Variants in GPSM1 observed in about 807,000 individuals in gnomAD.
GPSM1 encodes the protein G protein signaling modulator 1.
In GPSM1, 48 loss-of-function variants were observed where a neutral mutation model predicts 70.5. The ratio of observed to expected loss-of-function variants is 0.68; its 90% CI spans 0.54 to 0.87. GPSM1 has a LOEUF of 0.87. Ranked by LOEUF, GPSM1 falls within the 40% of genes least tolerant of loss-of-function variation. GPSM1 has a pLI of 0.00. For synonymous variants in GPSM1, 416 were observed against 430.1 expected (o/e 0.97, Z 0.41); for missense variants, 981 against 972.6 (o/e 1.01, Z -0.11).
chr9:136,341,252 G>T lies in GPSM1; in HGVS notation c.1207+259G>T. ...GAGGTGGTCGCCTGTTGCCCCACTG[G>T]CTGCTCCAGGGCCTCCACCCCCACC... On this transcript the variant is annotated intron_variant, in intron 9 of 13. Transcript: ENST00000440944. This position sits in a 1 kb window ranked among gnomAD's most constrained non-coding sequence, Gnocchi z 6.7. 1.3e-6 allele frequency: 2 copies of T among 1,496,714 alleles called. No individual in the cohort carries two copies. The highest frequency in any genetic ancestry group is 1.8e-6 in the Non-Finnish European group (2 of 1,119,488). 92.7% of individuals were successfully genotyped at this position (1,496,714 alleles called of 1,614,324 possible).
intron 12 of GPSM1, 84 bp downstream of exon 12, chr9:136,355,930 A>T (rs1588710274): frequency 2.3e-5 from 28 of 1,194,126 alleles, no homozygotes; most frequent in African/African-American, 3.1e-5. Context: ...TCCAGTGAGG[A>T]GTTTTCGGGG....
intron 10 of GPSM1, among the ~76,000 whole-genome samples, chr9:136,349,221 G>C (rs539466675): frequency 6.6e-6 from 1 of 152,400 alleles, no homozygotes; most frequent in East Asian, 1.9e-4. Context: ...AGTGGGTGCT[G>C]TGTGGCCTGG....
chr9:136,330,563 C>T (rs1217387022), intron 1 of GPSM1, among the ~76,000 whole-genome samples: 2 of 152,222 alleles, frequency 1.3e-5, no homozygotes, highest in East Asian at 1.9e-4. Flanking sequence ...ACTCTCTCCC[C>T]TCCCCTGGCC....
At chr9:136,352,456 G>T (rs1554772308) in intron 11 of GPSM1, among the ~76,000 whole-genome samples, 1 of 152,250 alleles carries the variant, frequency 6.6e-6, no homozygotes, top group Non-Finnish European at 1.5e-5. Flanking sequence ...GGGGTCCAGA[G>T]AACTCATTCT....
At chr9:136,331,809 C>T (rs1832107047) in intron 1 of GPSM1, among the ~76,000 whole-genome samples, 1 of 151,950 alleles carries the variant, frequency 6.6e-6, no homozygotes, top group Admixed American at 6.5e-5. Flanking sequence ...TCTGAGCTGT[C>T]CTTGATCCCT....
In GPSM1 at chr9:136,358,255, C is replaced by T; in HGVS notation, c.*35C>T. 1 of 1,486,646 alleles carries T rather than the reference C, an allele frequency of 6.7e-7. No homozygotes were observed. The highest frequency in any genetic ancestry group is 9.1e-7 in the Non-Finnish European group (1 of 1,104,260). The allele number at this position is 1,486,646 out of a possible 1,614,324, so 92.1% of individuals were successfully genotyped here. A position where few individuals can be genotyped will look rare whatever the true frequency, so the allele number is the denominator to read the frequency against. Reference sequence around the variant, plus strand: ...CCCACCGCCAGGCCCACCCTGCCCCCACTCCTGGACGCCGGTCTCACAGTC... The same window carrying T: ...CCCACCGCCAGGCCCACCCTGCCCCTACTCCTGGACGCCGGTCTCACAGTC... On this transcript the variant is annotated 3_prime_UTR_variant, in exon 14 of 14. Transcript: ENST00000440944.
chr9:136,342,344 G>A lies in GPSM1; in HGVS notation c.1207+1351G>A, dbSNP rs1281616408. Reference sequence around the variant, plus strand: ...AGGCTCCGCGGAGGCTGCGGCTCTGGGTCCTCCCGACGTTTTCTTTCTTGG... The same window carrying A: ...AGGCTCCGCGGAGGCTGCGGCTCTGAGTCCTCCCGACGTTTTCTTTCTTGG... On this transcript the variant is annotated intron_variant, in intron 9 of 13. Coordinates refer to ENST00000440944, the MANE Select transcript of GPSM1 (RefSeq NM_001145638.3). The surrounding 1 kb of genome is among the most constrained non-coding windows in gnomAD (Gnocchi z 5.5). 6.6e-6 allele frequency among the ~76,000 whole-genome samples: 1 copy of A among 152,166 alleles called. No homozygotes were observed. Among genetic ancestry groups the A allele is most frequent in the African/African-American group, 2.4e-5 (1 of 41,442 alleles).
In GPSM1 at chr9:136,336,932, G is replaced by A. The variant is rs367575746; in HGVS notation, c.438G>A (p.Ala146=). 156 of 1,555,780 alleles carry A rather than the reference G, an allele frequency of 1.0e-4. No individual in the cohort carries two copies. Among genetic ancestry groups the A allele is most frequent in the East Asian group, 4.1e-4 (17 of 41,202 alleles). The change falls in exon 4 of 14, where the codon GCG becomes GCA. Residue 146 remains alanine (A), a synonymous_variant. Transcript: ENST00000440944. ...AQEQGDKVGE[A]RALYNIGNVY... is the part of the protein sequence containing the mutation. ...CGTACTGCCCACAGGTTGGGGAGGC[G>A]AGGGCCCTCTACAACATCGGGAACG...
chr9:136,339,418 G>A (rs536191252), intron 7 of GPSM1, among the ~76,000 whole-genome samples: 35 of 152,392 alleles, frequency 2.3e-4, no homozygotes, highest in African/African-American at 6.7e-4. Context: ...GAAACTGCCC[G>A]CAAAGGCAGA....
rs1832417262 is a variant in GPSM1 at position 136,342,538 on chromosome 9, G to T, written c.1207+1545G>T. On this transcript the variant is annotated intron_variant, in intron 9 of 13. Transcript: ENST00000440944. The surrounding 1 kb of genome is among the most constrained non-coding windows in gnomAD (Gnocchi z 5.5). Reference sequence around the variant, plus strand: ...CCTCCCCGCCCAGGGCAGCCCGGCAGCCTGGCTGGGGCCGCCGCCCGGCTG... The same window carrying T: ...CCTCCCCGCCCAGGGCAGCCCGGCATCCTGGCTGGGGCCGCCGCCCGGCTG... 6.6e-6 allele frequency among the ~76,000 whole-genome samples: 1 copy of T among 152,176 alleles called. No individual in the cohort carries two copies. The highest frequency in any genetic ancestry group is 2.4e-5 in the African/African-American group (1 of 41,454).
At chr9:136,336,361 G>A (rs868950725) in intron 3 of GPSM1, among the ~76,000 whole-genome samples, 1 of 151,890 alleles carries the variant, frequency 6.6e-6, no homozygotes, top group Non-Finnish European at 1.5e-5. Context: ...ACCTCCCCCC[G>A]AATCCCTCCA....
At chr9:136,354,440 T>A (rs1316251417) in intron 11 of GPSM1, among the ~76,000 whole-genome samples, 2 of 152,156 alleles carry the variant, frequency 1.3e-5, no homozygotes, top group African/African-American at 4.8e-5. Context: ...CCAGGCAGCA[T>A]CGGGGACCCG....
Position 136,340,318 on chromosome 9 carries a change from GA to G in GPSM1, c.1083+505del, listed in dbSNP as rs1217587563. Reference sequence around the variant, plus strand: ...TGAGGGTGGAGAGGGGCGGGCATGGGAAGGTCAGCAGAGCCCTCGTCTGAAG... The same window carrying G: ...TGAGGGTGGAGAGGGGCGGGCATGGGAGGTCAGCAGAGCCCTCGTCTGAAG... On this transcript the variant is annotated intron_variant, in intron 8 of 13. Transcript: ENST00000440944. This position sits in a 1 kb window ranked among gnomAD's most constrained non-coding sequence, Gnocchi z 7.3. Among the ~76,000 whole-genome samples, 4 of 152,264 alleles carry G rather than the reference GA, an allele frequency of 2.6e-5. No homozygotes were observed. The highest frequency in any genetic ancestry group is 9.6e-5 in the African/African-American group (4 of 41,536).
chr9:136,334,822 C>T (rs1204545133), intron 2 of GPSM1, among the ~76,000 whole-genome samples, 154 bp downstream of exon 2: 3 of 147,268 alleles, frequency 2.0e-5, no homozygotes, highest in African/African-American at 7.6e-5. Context: ...GCCCTGCTGG[C>T]GGGTGAGTGG....
Position 136,339,788 on chromosome 9 carries a change from C to T in GPSM1, c.1056C>T (p.Ala352=), listed in dbSNP as rs1554769875. The stretch of plus-strand genomic sequence containing the variant: ...GCCCAGCGCAGGCCCTGACCTTCGC[C>T]AAGAAGCACCTGCAGATCTCCCAGG... ...MGRPAQALTF[A]KKHLQISQEI... Residue 352 remains alanine, a synonymous_variant, in exon 8 of 14, where the codon GCC becomes GCT. Coordinates refer to ENST00000440944, the MANE Select transcript of GPSM1 (RefSeq NM_001145638.3). The T allele has an allele frequency of 6.5e-7, 1 of 1,548,514 alleles. No individual in the cohort carries two copies. Among genetic ancestry groups the T allele is most frequent in the Non-Finnish European group, 8.7e-7 (1 of 1,145,268 alleles).
At chr9:136,332,152 G>A (rs528233563) in intron 1 of GPSM1, 321 of 399,222 alleles carry the variant, frequency 8.0e-4, no homozygotes, top group Non-Finnish European at 9.9e-4. Flanking sequence ...CAGAAGATGC[G>A]AAACCTGCAG....
chr9:136,357,173 G>A (rs1310948950), intron 13 of GPSM1, among the ~76,000 whole-genome samples: 1 of 152,200 alleles, frequency 6.6e-6, no homozygotes, highest in Non-Finnish European at 1.5e-5. Flanking sequence ...TCCCAACTAG[G>A]ACCTCAAACT....
At chr9:136,357,868 G>T in intron 13 of GPSM1, 146 bp from the exon 14 acceptor site, 1 of 625,376 alleles carries the variant, frequency 1.6e-6, no homozygotes, top group Non-Finnish European at 2.7e-6. Context: ...ACCCCAGAGC[G>T]AGGCAGGCCC....
At chr9:136,348,592 A>C in intron 9 of GPSM1, 105 bp from the exon 10 acceptor site, 1 of 768,132 alleles carries the variant, frequency 1.3e-6, no homozygotes, top group Non-Finnish European at 2.1e-6. Flanking sequence ...GGCTGTCAGA[A>C]AGCCATGGCC....
Sources: gnomAD v4.1 joint callset for allele counts (sites outside exome capture counted in the v4.1 genomes callset) on GRCh38, gnomAD v4.1.1 for gene constraint, Gnocchi (gnomAD v3.1) non-coding constraint, MANE v1.5 for transcripts, NCBI Gene and HGNC (gene_info 2026-07-23, HGNC 2026-07-21) for gene names.